Variants in CSMD3 observed in about 807,000 individuals in gnomAD.
CSMD3 encodes CUB and Sushi multiple domains 3, also known as CUB and sushi domain-containing protein 3.
In CSMD3, 177 loss-of-function variants were observed where a neutral mutation model predicts 435.2. The ratio of observed to expected loss-of-function variants is 0.41; its 90% confidence interval spans 0.36 to 0.46. The LOEUF (loss-of-function observed/expected upper bound fraction) is 0.46. Ranked by LOEUF, CSMD3 falls within the 20% of genes least tolerant of loss-of-function variation. The pLI is 0.34. For missense variants in CSMD3, 4,265 were observed against 4,504.6 expected, an observed-to-expected ratio of 0.95 and a Z score of 1.52; for synonymous variants, 1,656 against 1,520.5, an observed-to-expected ratio of 1.09 and a Z score of -2.07.
At chr8:112,533,762 C>A (rs915817998) in intron 27 of CSMD3, among the ~76,000 whole-genome samples, 1 of 151,978 alleles carries the variant, frequency 6.6e-6, no homozygotes, top group Non-Finnish European at 1.5e-5. Flanking sequence ...ACACTGCACA[C>A]CAAATGGACC....
chr8:113,161,002 C>T (rs575684202), intron 4 of CSMD3, among the ~76,000 whole-genome samples: 6 of 152,116 alleles, frequency 3.9e-5, no homozygotes, highest in African/African-American at 1.2e-4. Flanking sequence ...TTAAATCTGG[C>T]CTTTGGTTAC....
intron 2 of CSMD3, chr8:113,311,972 T>G (rs1181590091): frequency 6.6e-6 from 1 of 152,144 alleles, no homozygotes; most frequent in Admixed American, 6.6e-5. Flanking sequence ...TAGCTTACCT[T>G]TCGGTTTATA....
Position 112,231,625 on chromosome 8 carries a change from G to A in CSMD3, c.10748C>T (p.Ala3583Val), listed in dbSNP as rs1357921960. ...ENWAMDGFVSAEPDGATYVFQ... is the reference protein window; with the variant it reads ...ENWAMDGFVSVEPDGATYVFQ... The stretch of plus-strand genomic sequence containing the variant: ...TACATAAGTAGCTCCATCAGGCTCA[G>A]CAGAAACCTAAAAATATTTAAACAG... The change falls in exon 69 of 71, where the codon GCT becomes GTT. Residue 3583 changes from alanine (A) to valine (V), a missense_variant. Transcript: ENST00000297405. 6.2e-7 allele frequency: 1 copy of A among 1,603,498 alleles called. No homozygotes were observed.
intron 1 of CSMD3, among the ~76,000 whole-genome samples, chr8:113,332,715 T>C (rs999165924): frequency 2.0e-5 from 3 of 151,764 alleles, no homozygotes; most frequent in African/African-American, 7.2e-5. Flanking sequence ...GATGCACTTA[T>C]TCAAGCAGTA....
At chr8:113,191,179 C>T (rs2092579627) in intron 3 of CSMD3, among the ~76,000 whole-genome samples, 2 of 151,738 alleles carry the variant, frequency 1.3e-5, no homozygotes, top group Admixed American at 1.3e-4. Context: ...AAATAATGCA[C>T]GTGGGCATAC....
At chr8:112,876,255 G>A (rs1182455714) in intron 10 of CSMD3, among the ~76,000 whole-genome samples, 3 of 152,138 alleles carry the variant, frequency 2.0e-5, no homozygotes, top group Non-Finnish European at 4.4e-5. Context: ...GAGGTACAAA[G>A]AGGAACTGGT....
intron 31 of CSMD3, among the ~76,000 whole-genome samples, chr8:112,485,239 A>G (rs1431913278): frequency 2.0e-5 from 3 of 152,150 alleles, no homozygotes; most frequent in Admixed American, 6.5e-5. Flanking sequence ...AAAATACATT[A>G]AAATACATTA....
chr8:112,822,686 G>A lies in CSMD3; in HGVS notation c.1859+7000C>T, dbSNP rs138945376. Among the ~76,000 whole-genome samples, 481 of 152,102 alleles carry A rather than the reference G, an allele frequency of 3.2e-3. 7 individuals are homozygous for A. The highest frequency in any genetic ancestry group is 0.01 in the African/African-American group (426 of 41,502). ...CAACCATCCTATGTTGAATAGGAGCGGTGAGAGAGGGCATCCTTGTCTTGT... is the reference window on the plus strand; with the variant it reads ...CAACCATCCTATGTTGAATAGGAGCAGTGAGAGAGGGCATCCTTGTCTTGT... On this transcript the variant is annotated intron_variant, in intron 12 of 70. Transcript: ENST00000297405.
chr8:112,892,607 T>C (rs2081830717), intron 10 of CSMD3, among the ~76,000 whole-genome samples: 1 of 151,520 alleles, frequency 6.6e-6, no homozygotes, highest in South Asian at 2.1e-4. Flanking sequence ...CATCAACACC[T>C]ACTGCCAGCA....
At chr8:112,327,104 C>A (rs1049119091) in intron 45 of CSMD3, among the ~76,000 whole-genome samples, 14 of 152,130 alleles carry the variant, frequency 9.2e-5, no homozygotes, top group Non-Finnish European at 2.1e-4. Context: ...AGTATAAAAT[C>A]CATGAGTTTA....
intron 13 of CSMD3, 147 bp from the exon 14 acceptor site, chr8:112,690,197 A>G (rs1563856694): frequency 3.1e-6 from 2 of 640,166 alleles, no homozygotes; most frequent in East Asian, 2.7e-5. Context: ...TTTTTTGGCC[A>G]TTCTTACAGG....
intron 17 of CSMD3, among the ~76,000 whole-genome samples, chr8:112,662,930 A>G (rs1015268971): frequency 6.6e-6 from 1 of 152,194 alleles, no homozygotes; most frequent in Non-Finnish European, 1.5e-5. Context: ...AAAAATGCTC[A>G]TCATCACTGG....
At chr8:113,116,987 C>T (rs2131619344) in intron 4 of CSMD3, among the ~76,000 whole-genome samples, 1 of 152,204 alleles carries the variant, frequency 6.6e-6, no homozygotes, top group South Asian at 2.1e-4. Flanking sequence ...GGAAACACGG[C>T]ATAAAAGTTT....
At chr8:112,942,108 T>C (rs2083468084) in intron 9 of CSMD3, among the ~76,000 whole-genome samples, 1 of 151,522 alleles carries the variant, frequency 6.6e-6, no homozygotes, top group African/African-American at 2.4e-5. Context: ...CATCCCTCAC[T>C]TCATCCCCCT....
At chr8:112,622,614 G>A (rs1341710758) in intron 22 of CSMD3, among the ~76,000 whole-genome samples, 1 of 152,040 alleles carries the variant, frequency 6.6e-6, no homozygotes, top group Non-Finnish European at 1.5e-5. Flanking sequence ...AATTTGGTCC[G>A]TATGCAAAAG....
chr8:113,398,287 T>C (rs1429929555), intron 1 of CSMD3, among the ~76,000 whole-genome samples: 1 of 152,176 alleles, frequency 6.6e-6, no homozygotes, highest in Non-Finnish European at 1.5e-5. Context: ...GTCCCAAAGC[T>C]ATTTAATGAC....
At chr8:112,283,745 T>A in intron 58 of CSMD3, among the ~76,000 whole-genome samples, 1 of 151,782 alleles carries the variant, frequency 6.6e-6, no homozygotes. Flanking sequence ...GATTTTTAGA[T>A]ATAACATACT....
rs150983757 is a variant in CSMD3 at position 113,259,309 on chromosome 8, A to G, written c.514+19283T>C. 6.6e-5 allele frequency among the ~76,000 whole-genome samples: 10 copies of G among 152,308 alleles called. No homozygotes were observed. In the East Asian group the frequency reaches 1.7e-3, roughly 27 times the overall value. On this transcript the variant is annotated intron_variant, in intron 3 of 70. Coordinates refer to ENST00000297405, the MANE Select transcript of CSMD3 (RefSeq NM_198123.2). Reference sequence around the variant, plus strand: ...GCACTTCTGCTATAGGCATGAGAACATGCTTAAAATAATTGTACTAGTAGA... The same window carrying G: ...GCACTTCTGCTATAGGCATGAGAACGTGCTTAAAATAATTGTACTAGTAGA...
At chr8:112,250,849 T>C (rs1188839001) in intron 63 of CSMD3, among the ~76,000 whole-genome samples, 1 of 151,800 alleles carries the variant, frequency 6.6e-6, no homozygotes, top group Non-Finnish European at 1.5e-5. Context: ...TAAAGTACCA[T>C]GTTGTGTATA....
Sources: gnomAD v4.1 joint callset for allele counts (sites outside exome capture counted in the v4.1 genomes callset) on GRCh38, gnomAD v4.1.1 for gene constraint, MANE v1.5 for transcripts, NCBI Gene and HGNC (gene_info 2026-07-23, HGNC 2026-07-21) for gene names.